The following KCNT1 variants were observed in gnomAD, a reference collection of about 807,000 sequenced individuals.
KCNT1 encodes potassium sodium-activated channel subfamily T member 1.
KCNT1 carries 78 observed loss-of-function variants against 147.8 expected under a neutral mutation model. That is an observed-to-expected ratio of 0.53 (90% CI 0.44 to 0.64). The LOEUF is 0.64. Ranked by LOEUF, KCNT1 falls within the 30% of genes least tolerant of loss-of-function variation. The probability of loss-of-function intolerance (pLI) is 0.00; values close to 1 mark genes in which losing one functional copy is unlikely to be tolerated. For missense variants in KCNT1, 1,419 were observed against 1,750.3 expected (o/e 0.81, Z 3.38); for synonymous variants, 867 against 748.8 (o/e 1.16, Z -2.58).
intron 5 of KCNT1, 102 bp downstream of exon 5, chr9:135,754,095 A>G: frequency 3.7e-6 from 4 of 1,091,626 alleles, no homozygotes; most frequent in Non-Finnish European, 4.2e-6. Flanking sequence ...CCAGGCGCTC[A>G]GAGGCCTGGG....
rs531406682 is a variant in KCNT1, at chr9:135,784,107, G to A, written c.2925G>A (p.Leu975=). The A allele has an allele frequency of 2.5e-6, 4 of 1,604,686 alleles. No homozygotes were observed. Among genetic ancestry groups the A allele is most frequent in the South Asian group, 1.1e-5 (1 of 91,086 alleles). ...GCCGCGTCTTCAGCATCAGCATGTT[G>A]GACACACTGCTCTACCAGGTCAGCG... ...AAGRVFSISM[L]DTLLYQSFVK... The change falls in exon 25 of 31, where the codon TTG becomes TTA. Residue 975 remains leucine, a synonymous_variant. Transcript: ENST00000371757.
rs1402207771 is a variant in KCNT1, at chr9:135,785,348, G to A, written c.3177+18G>A. Reference sequence around the variant, plus strand: ...GAGCCCAGGTAAGCAACCCCTCCGTGCCCACGCAGCTTCTGCGGAGCACCA... The same window carrying A: ...GAGCCCAGGTAAGCAACCCCTCCGTACCCACGCAGCTTCTGCGGAGCACCA... On this transcript the variant is annotated intron_variant, in intron 28 of 30. Transcript: ENST00000371757. 2 of 1,612,858 alleles carry A rather than the reference G, an allele frequency of 1.2e-6. No individual in the cohort carries two copies. Among genetic ancestry groups the A allele is most frequent in the East Asian group, 2.2e-5 (1 of 44,898 alleles).
At chr9:135,757,929 G>T (rs1831603064) in intron 9 of KCNT1, among the ~76,000 whole-genome samples, 1 of 152,226 alleles carries the variant, frequency 6.6e-6, no homozygotes, top group Non-Finnish European at 1.5e-5. Flanking sequence ...TACCATGCTG[G>T]GTCCAAGCCT....
rs375286534 is a variant in KCNT1 at position 135,775,222 on chromosome 9, C to T, written c.2244-88C>T. On this transcript the variant is annotated intron_variant, in intron 19 of 30. Coordinates refer to ENST00000371757, the MANE Select transcript of KCNT1 (RefSeq NM_020822.3). The stretch of plus-strand genomic sequence containing the variant: ...ACGTGGCTGTGGGTGGAGTGGGTGC[C>T]CTCGAGTCCCCCAGCCCGAGGGGGG... 15 of 928,696 alleles carry T rather than the reference C, an allele frequency of 1.6e-5. No individual in the cohort carries two copies. In the East Asian group the frequency reaches 1.7e-4, roughly 10 times the overall value. 57.5% of individuals were successfully genotyped at this position (928,696 alleles called of 1,614,324 possible).
At chr9:135,772,640 C>T (rs972823440) in intron 18 of KCNT1, 75 bp from the exon 19 acceptor site, 64 of 1,132,528 alleles carry the variant, frequency 5.7e-5, no homozygotes, top group Non-Finnish European at 7.2e-5. Flanking sequence ...TGACTGTGTT[C>T]ACCTGAGCTC....
At chr9:135,768,747 A>T in intron 14 of KCNT1, 74 bp downstream of exon 14, 2 of 1,536,496 alleles carry the variant, frequency 1.3e-6, no homozygotes, top group Non-Finnish European at 1.8e-6. Flanking sequence ...CTGAGGGAAG[A>T]GACCTGCCCC....
intron 21 of KCNT1, among the ~76,000 whole-genome samples, chr9:135,777,970 T>TCTCCCAGCTCCTCCATG (rs1286180932): frequency 8.1e-5 from 8 of 98,890 alleles, no homozygotes; most frequent in African/African-American, 3.9e-4. Context: ...AGTTCCTCTG[T>TCTCCCAGCTCCTCCATG]CTCCCAGCTC....
chr9:135,770,085 C>A, intron 16 of KCNT1, 30 bp downstream of exon 16: 6 of 1,529,596 alleles, frequency 3.9e-6, no homozygotes, highest in Non-Finnish European at 5.3e-6. Context: ...GGGGACCGAC[C>A]TCCATGGCGG....
Position 135,757,318 on chromosome 9 carries a change from G to A in KCNT1, c.696G>A (p.Arg232=). 2 of 1,612,162 alleles carry A rather than the reference G, an allele frequency of 1.2e-6. No individual in the cohort carries two copies. The highest frequency in any genetic ancestry group is 2.2e-5 in the East Asian group (1 of 44,836). The part of the protein sequence containing the change: ...FIITIFWPPL[R]NLFIPVFLNC... ...CACAGATCTTCTGGCCGCCGCTGCG[G>A]AACCTGTTCATCCCCGTCTTTCTGA... The change falls in exon 9 of 31, where the codon CGG becomes CGA. Residue 232 remains arginine (R), a synonymous_variant. Transcript: ENST00000371757.
chr9:135,778,450 T>C lies in KCNT1; in HGVS notation c.2549T>C (p.Ile850Thr). Residue 850 changes from isoleucine to threonine, a missense_variant, in exon 22 of 31, where the codon ATC (isoleucine) becomes ACC (threonine). This residue lies in a region of KCNT1 where 247 missense variants were observed against 397.1 expected (regional missense o/e 0.62). Coordinates refer to ENST00000371757, the MANE Select transcript of KCNT1 (RefSeq NM_020822.3). ...NKPDHHFLEA[I>T]CCFPMVYYME... ...CCCGACCACCACTTCCTGGAAGCCA[T>C]CTGCTGCTTCCCCATGGTCTACTAC... 1 of 1,552,748 alleles carries C rather than the reference T, an allele frequency of 6.4e-7. No individual in the cohort carries two copies. The highest frequency in any genetic ancestry group is 8.7e-7 in the Non-Finnish European group (1 of 1,147,734).
At chr9:135,705,045 G>A (rs144470640) in intron 1 of KCNT1, among the ~76,000 whole-genome samples, 11 of 152,180 alleles carry the variant, frequency 7.2e-5, no homozygotes, top group Admixed American at 2.6e-4. Context: ...CTGTGTCCTC[G>A]CACCCGGCAG....
chr9:135,781,118 G>A (rs897917083), intron 24 of KCNT1, among the ~76,000 whole-genome samples: 2 of 152,224 alleles, frequency 1.3e-5, no homozygotes, highest in Admixed American at 6.5e-5. Context: ...TTGCCGGGGC[G>A]GGTGCGGCCA....
intron 10 of KCNT1, among the ~76,000 whole-genome samples, 178 bp from the exon 11 acceptor site, chr9:135,759,501 C>T (rs1588330198): frequency 6.6e-6 from 1 of 152,318 alleles, no homozygotes; most frequent in East Asian, 1.9e-4. Context: ...AGCTTGGGGA[C>T]AGATGGGCAG....
rs754177904 is a variant in KCNT1 at position 135,778,757 on chromosome 9, C to T, written c.2664C>T (p.Thr888=). 12 of 1,613,822 alleles carry T rather than the reference C, an allele frequency of 7.4e-6. No individual in the cohort carries two copies. In the South Asian group the frequency reaches 1.1e-4, roughly 15 times the overall value. The part of the protein sequence containing the change: ...DNLVVVDKES[T]MSAEEDYMAD... ...TGGTGGTGGTGGACAAGGAGAGCAC[C>T]ATGAGCGCCGAGGAGGACTACATGG... Residue 888 remains threonine (T), a synonymous_variant, in exon 23 of 31, where the codon ACC becomes ACT. Coordinates refer to ENST00000371757, the MANE Select transcript of KCNT1 (RefSeq NM_020822.3).
At chr9:135,765,282 C>T in intron 12 of KCNT1, 87 bp downstream of exon 12, 1 of 1,321,270 alleles carries the variant, frequency 7.6e-7, no homozygotes, top group Non-Finnish European at 1.1e-6. Context: ...TGGCAAGTCC[C>T]TGAGTCCTCT....
intron 2 of KCNT1, among the ~76,000 whole-genome samples, chr9:135,727,245 CT>C (rs1250523418): frequency 8.5e-6 from 1 of 117,154 alleles, no homozygotes; most frequent in African/African-American, 3.4e-5. Context: ...CTCTCTCCCC[CT>C]CTCTCTCTCC....
intron 2 of KCNT1, among the ~76,000 whole-genome samples, chr9:135,734,814 C>G (rs1830269754): frequency 6.6e-6 from 1 of 152,074 alleles, no homozygotes; most frequent in African/African-American, 2.4e-5. Context: ...CCCAGGCACC[C>G]TCCCTCCCAG....
At position 135,727,369 on chromosome 9, in the gene KCNT1, C is replaced by T. The variant is rs143381490; in HGVS notation, c.254+12649C>T. 5.0e-3 allele frequency among the ~76,000 whole-genome samples: 684 copies of T among 136,444 alleles called. 12 individuals are homozygous for T. The highest frequency in any genetic ancestry group is 0.018 in the African/African-American group (652 of 35,488). 89.5% of individuals were successfully genotyped at this position (136,444 alleles called of 152,430 possible). ...TCCCTCTTTCCCATTCTCTCTCTCT[C>T]TCCCTCTCCCTCTCTCTCCCTCTCT... On this transcript the variant is annotated intron_variant, in intron 2 of 30. Transcript: ENST00000371757.
intron 2 of KCNT1, among the ~76,000 whole-genome samples, chr9:135,726,602 A>C (rs1227710781): frequency 6.6e-6 from 1 of 151,976 alleles, no homozygotes; most frequent in East Asian, 1.9e-4. Flanking sequence ...AGACTCTGCC[A>C]AGGCCTCGCC....
Sources: gnomAD v4.1 joint callset for allele counts (sites outside exome capture counted in the v4.1 genomes callset) on GRCh38, gnomAD v4.1.1 for gene constraint, gnomAD v4.1.1 regional missense constraint, MANE v1.5 for transcripts, NCBI Gene and HGNC (gene_info 2026-07-23, HGNC 2026-07-21) for gene names.